MND1: variants seen among roughly 807,000 people sequenced by gnomAD.
The protein encoded by MND1 is meiotic nuclear division protein 1 homolog.
MND1 carries 28 observed loss-of-function variants against 35.1 expected under a neutral mutation model. The observed-to-expected ratio is 0.80, with a 90% CI of 0.59 to 1.09. The LOEUF (loss-of-function observed/expected upper bound fraction) is 1.09, where lower values mean the gene tolerates loss of function less well. Among genes scored for constraint, MND1 ranks in the 50% least tolerant of loss-of-function variants. The pLI is 0.00. For missense variants in MND1, 213 were observed against 239.6 expected (o/e 0.89, Z 0.73); for synonymous variants, 69 against 70.5 (o/e 0.98, Z 0.11).
intron 4 of MND1, among the ~76,000 whole-genome samples, chr4:153,361,980 T>C (rs1246426560): frequency 6.6e-6 from 1 of 152,218 alleles, no homozygotes; most frequent in African/African-American, 2.4e-5. Flanking sequence ...ATTTTTTCCA[T>C]GTCTTTCCAT....
intron 4 of MND1, among the ~76,000 whole-genome samples, chr4:153,377,711 T>C (rs1288686844): frequency 6.6e-6 from 1 of 152,174 alleles, no homozygotes; most frequent in Non-Finnish European, 1.5e-5. Flanking sequence ...TGGGAGCTCA[T>C]AAGGGAATTG....
intron 4 of MND1, among the ~76,000 whole-genome samples, chr4:153,390,925 G>GTGTGTA (rs1729012324): frequency 7.1e-5 from 10 of 141,272 alleles, no homozygotes; most frequent in African/African-American, 2.9e-4. Context: ...GTATATGTGT[G>GTGTGTA]TGTGTGTGTG....
At chr4:153,387,795 T>C (rs1204221711) in intron 4 of MND1, among the ~76,000 whole-genome samples, 1 of 151,746 alleles carries the variant, frequency 6.6e-6, no homozygotes, top group Admixed American at 6.6e-5. Flanking sequence ...AAATAAATTG[T>C]ATGGCTTTTT....
At chr4:153,410,732 C>T (rs763917196) in intron 7 of MND1, among the ~76,000 whole-genome samples, 10 of 152,106 alleles carry the variant, frequency 6.6e-5, no homozygotes, top group Admixed American at 2.0e-4. Flanking sequence ...GGCTCATGCC[C>T]GTAATCCCAG....
intron 4 of MND1, among the ~76,000 whole-genome samples, chr4:153,381,355 A>G (rs6841596): frequency 1.7e-3 from 257 of 151,812 alleles, no homozygotes; most frequent in African/African-American, 6.0e-3. Flanking sequence ...TAGAATTCCC[A>G]TTCCCAAACA....
chr4:153,378,879 C>A (rs1397415086), intron 4 of MND1, among the ~76,000 whole-genome samples: 2 of 152,202 alleles, frequency 1.3e-5, no homozygotes, highest in African/African-American at 4.8e-5. Context: ...GTATAGTAGT[C>A]AACTTTCTTA....
At chr4:153,355,930 A>G (rs1015320352) in intron 3 of MND1, 3 of 408,082 alleles carry the variant, frequency 7.4e-6, no homozygotes, top group African/African-American at 6.2e-5. Flanking sequence ...CATTTTGAAT[A>G]TATATCCCTG....
At chr4:153,399,098 C>A (rs2149655234) in intron 6 of MND1, among the ~76,000 whole-genome samples, 1 of 152,296 alleles carries the variant, frequency 6.6e-6, no homozygotes, top group African/African-American at 2.4e-5. Context: ...CTGAGTTTCA[C>A]GATAACCAAA....
At chr4:153,380,930 C>A (rs975613999) in intron 4 of MND1, among the ~76,000 whole-genome samples, 26 of 150,926 alleles carry the variant, frequency 1.7e-4, no homozygotes, top group African/African-American at 6.4e-4. Flanking sequence ...GGCAGACTGT[C>A]GCTCTGTTGC....
At chr4:153,344,665 A>G, upstream of MND1, 1 of 1,396,998 alleles carries the variant, frequency 7.2e-7, no homozygotes, top group Non-Finnish European at 9.7e-7. Flanking sequence ...CGCCAAAATC[A>G]AACGCGTCCT....
chr4:153,376,248 C>G (rs757685629), intron 4 of MND1, among the ~76,000 whole-genome samples: 2 of 151,984 alleles, frequency 1.3e-5, no homozygotes, highest in Non-Finnish European at 2.9e-5. Context: ...CATTTTCCCC[C>G]GTGTGGTAAT....
intron 1 of MND1, among the ~76,000 whole-genome samples, chr4:153,347,195 T>A (rs1393606593): frequency 6.6e-6 from 1 of 152,240 alleles, no homozygotes; most frequent in African/African-American, 2.4e-5. Context: ...CTAACTGTTA[T>A]GAATTTCATG....
chr4:153,345,261 A>G, intron 1 of MND1: 1 of 887,018 alleles, frequency 1.1e-6, no homozygotes, highest in Non-Finnish European at 1.4e-6. Flanking sequence ...GTTTGTCACC[A>G]TTGAGTGGTT....
intron 4 of MND1, among the ~76,000 whole-genome samples, chr4:153,370,837 A>G (rs1446845089): frequency 6.6e-6 from 1 of 151,906 alleles, no homozygotes; most frequent in Non-Finnish European, 1.5e-5. Flanking sequence ...TCTTAATGGC[A>G]TCTAGAATGG....
chr4:153,351,974 T>G (rs1420553550), intron 2 of MND1, among the ~76,000 whole-genome samples: 1 of 152,206 alleles, frequency 6.6e-6, no homozygotes, highest in Non-Finnish European at 1.5e-5. Flanking sequence ...AATCAACTAA[T>G]GAAGCAGCAT....
chr4:153,408,945 A>ATT, intron 6 of MND1, 26 bp from the exon 7 acceptor site: 2 of 931,372 alleles, frequency 2.1e-6, no homozygotes, highest in Non-Finnish European at 2.8e-6. Context: ...AATACATTTC[A>ATT]TTTTATATAT....
chr4:153,390,628 C>T (rs1039359093), intron 4 of MND1, among the ~76,000 whole-genome samples: 1 of 152,026 alleles, frequency 6.6e-6, no homozygotes, highest in African/African-American at 2.4e-5. Flanking sequence ...GCACTAATTG[C>T]TCGAGCCCAG....
intron 7 of MND1, among the ~76,000 whole-genome samples, chr4:153,410,988 C>T (rs1243515254): frequency 2.0e-5 from 3 of 151,842 alleles, no homozygotes; most frequent in Non-Finnish European, 1.5e-5. Context: ...GACACTGTCT[C>T]AAGAAAATAA....
chr4:153,352,809 C>CT (rs1408681360), intron 2 of MND1, among the ~76,000 whole-genome samples: 1 of 150,910 alleles, frequency 6.6e-6, no homozygotes, highest in Non-Finnish European at 1.5e-5. Flanking sequence ...TCCATGGTAC[C>CT]TTACACATAG....
Sources: allele counts gnomAD v4.1 joint callset (sites outside exome capture counted in the v4.1 genomes callset), GRCh38; gene constraint gnomAD v4.1.1; transcripts MANE v1.5; gene names NCBI Gene and HGNC (gene_info 2026-07-23, HGNC 2026-07-21).